Variants in GNG7 observed in about 807,000 individuals in gnomAD.
GNG7 encodes the protein G protein subunit gamma 7, also known as guanine nucleotide-binding protein G(I)/G(S)/G(O) subunit gamma-7.
Under a neutral mutation model 4.0 loss-of-function variants are expected in GNG7, and 1 was observed. The ratio of observed to expected loss-of-function variants is 0.25; its 90% CI spans 0.09 to 1.18. The LOEUF is 1.18. Ranked by LOEUF, GNG7 falls within the 50% of genes most tolerant of loss-of-function variation. The pLI, the probability that GNG7 is intolerant of heterozygous loss-of-function variation, is 0.50. For missense variants in GNG7, 86 were observed against 91.9 expected (o/e 0.94, Z 0.26); for synonymous variants, 34 against 36.9 (o/e 0.92, Z 0.29).
intron 2 of GNG7, among the ~76,000 whole-genome samples, chr19:2,587,878 G>A (rs550212846): frequency 9.8e-4 from 144 of 146,676 alleles, no homozygotes; most frequent in Non-Finnish European, 1.2e-3. Flanking sequence ...AAGGAAGGAA[G>A]GAAGGAAGGA....
At chr19:2,676,490 G>A (rs907841839) in intron 1 of GNG7, among the ~76,000 whole-genome samples, 47 of 152,240 alleles carry the variant, frequency 3.1e-4, no homozygotes, top group African/African-American at 1.1e-3. Context: ...TCAGCTCACT[G>A]CAACCTCCAC....
intron 1 of GNG7, chr19:2,700,644 C>G (rs1480395306): frequency 6.6e-6 from 1 of 152,206 alleles, no homozygotes; most frequent in Non-Finnish European, 1.5e-5. Context: ...TCACTATATG[C>G]TAGGAAATAG....
In GNG7 at chr19:2,626,895, C is replaced by G. The variant is rs1022787336; in HGVS notation, c.-78+19329G>C. On this transcript the variant is annotated intron_variant, in intron 2 of 4. Coordinates refer to ENST00000382159, the MANE Select transcript of GNG7 (RefSeq NM_052847.3). This position sits in a 1 kb window ranked among gnomAD's most constrained non-coding sequence, Gnocchi z 5.0. Reference sequence around the variant, plus strand: ...GGACGGCCTCACCCCAGAGAACAGTCCAGTGTCAGTGTCCACAGTGCCCAG... The same window carrying G: ...GGACGGCCTCACCCCAGAGAACAGTGCAGTGTCAGTGTCCACAGTGCCCAG... 6.6e-6 allele frequency among the ~76,000 whole-genome samples: 1 copy of G among 151,646 alleles called. No homozygotes were observed. The highest frequency in any genetic ancestry group is 2.4e-5 in the African/African-American group (1 of 41,218).
At chr19:2,615,860 G>A (rs898603140) in intron 2 of GNG7, among the ~76,000 whole-genome samples, 2 of 152,178 alleles carry the variant, frequency 1.3e-5, no homozygotes, top group Admixed American at 1.3e-4. Context: ...GAGGAGGCAG[G>A]AGGGTTCCCT....
intron 2 of GNG7, among the ~76,000 whole-genome samples, chr19:2,581,424 G>T (rs1215618879): frequency 6.6e-6 from 1 of 152,072 alleles, no homozygotes; most frequent in Non-Finnish European, 1.5e-5. Context: ...GGTCAGCAGA[G>T]ATACTGAGTT....
chr19:2,675,159 G>A (rs1286647494), intron 1 of GNG7, among the ~76,000 whole-genome samples: 1 of 152,148 alleles, frequency 6.6e-6, no homozygotes. Context: ...ACAGTTGGAC[G>A]TGTTCATAAA....
intron 3 of GNG7, among the ~76,000 whole-genome samples, chr19:2,553,866 A>AAT (rs1480029142): frequency 1.1e-5 from 1 of 88,318 alleles, no homozygotes; most frequent in East Asian, 3.5e-4. Flanking sequence ...TATTATATGT[A>AAT]ACATTGCATA....
At chr19:2,528,287 A>G in intron 3 of GNG7, among the ~76,000 whole-genome samples, 1 of 150,086 alleles carries the variant, frequency 6.7e-6, no homozygotes. Context: ...AAAAAAAAAA[A>G]AAAGGCCTGG....
rs146399292 is a variant in GNG7 at position 2,633,571 on chromosome 19, C to T, written c.-78+12653G>A. Reference sequence around the variant, plus strand: ...CACTGGGCTGGGGTACTCAGATCCCCGGGCTCGGTGGTCGTGGATGTGAGC... The same window carrying T: ...CACTGGGCTGGGGTACTCAGATCCCTGGGCTCGGTGGTCGTGGATGTGAGC... On this transcript the variant is annotated intron_variant, in intron 2 of 4. Coordinates refer to ENST00000382159, the MANE Select transcript of GNG7 (RefSeq NM_052847.3). This position sits in a 1 kb window ranked among gnomAD's most constrained non-coding sequence, Gnocchi z 5.9. Among the ~76,000 whole-genome samples the T allele has an allele frequency of 7.2e-5, 11 of 151,952 alleles. No individual in the cohort carries two copies. The East Asian group carries it at 1.7e-3, about 24-fold the overall frequency.
intron 1 of GNG7, among the ~76,000 whole-genome samples, chr19:2,675,455 G>A (rs137982200): frequency 7.6e-4 from 115 of 152,278 alleles, no homozygotes; most frequent in African/African-American, 2.7e-3. Context: ...TGCCGAGCAG[G>A]AGAGGTCGCT....
rs540584481 is a variant in GNG7 at position 2,511,301 on chromosome 19, G to A, written c.*3721C>T. ...CACAATATTAAAACACTGCGAGAAA[G>A]TGGGTGCGGCACACCTGGAATTTTA... On this transcript the variant is annotated 3_prime_UTR_variant, in exon 5 of 5. Coordinates refer to ENST00000382159, the MANE Select transcript of GNG7 (RefSeq NM_052847.3). The surrounding 1 kb of genome is among the most constrained non-coding windows in gnomAD (Gnocchi z 6.3). The A allele has an allele frequency of 1.3e-5, 2 of 152,374 alleles. No homozygotes were observed. Among genetic ancestry groups the A allele is most frequent in the East Asian group, 3.9e-4 (2 of 5,186 alleles). 9.4% of individuals were successfully genotyped at this position (152,374 alleles called of 1,614,324 possible).
intron 1 of GNG7, among the ~76,000 whole-genome samples, chr19:2,662,363 A>C (rs894490635): frequency 6.6e-6 from 1 of 151,846 alleles, no homozygotes; most frequent in Non-Finnish European, 1.5e-5. Flanking sequence ...GATTCAGTTC[A>C]ATTCAATTCA....
chr19:2,596,371 A>T (rs1028750584), intron 2 of GNG7, among the ~76,000 whole-genome samples: 1 of 9,056 alleles, frequency 1.1e-4, no homozygotes, highest in Admixed American at 1.5e-3. Flanking sequence ...AAATTAAAAT[A>T]AAAAATAGTA....
At chr19:2,572,472 G>A (rs189409801) in intron 2 of GNG7, among the ~76,000 whole-genome samples, 7 of 150,282 alleles carry the variant, frequency 4.7e-5, no homozygotes, top group East Asian at 4.0e-4. Context: ...TCGCTCTGTC[G>A]CCAGGCTGGA....
intron 2 of GNG7, among the ~76,000 whole-genome samples, chr19:2,565,016 C>T (rs1979857756): frequency 6.6e-6 from 1 of 151,836 alleles, no homozygotes; most frequent in African/African-American, 2.4e-5. Flanking sequence ...CACAGTGAGA[C>T]CCTGTCTTGA....
chr19:2,523,355 C>T (rs767644443), intron 3 of GNG7, among the ~76,000 whole-genome samples: 1 of 151,674 alleles, frequency 6.6e-6, no homozygotes, highest in Non-Finnish European at 1.5e-5. Context: ...AGTTTGAGGC[C>T]AGCCTAGGCA....
chr19:2,540,708 G>A (rs148147832), intron 3 of GNG7, among the ~76,000 whole-genome samples: 2,020 of 152,300 alleles, frequency 0.013, 22 homozygotes, highest in South Asian at 0.03. Flanking sequence ...GAGGCCCGCC[G>A]GGCAGCGGGA....
chr19:2,572,651 T>C (rs1255816246), intron 2 of GNG7, among the ~76,000 whole-genome samples: 4 of 148,576 alleles, frequency 2.7e-5, no homozygotes, highest in Non-Finnish European at 4.5e-5. Context: ...CGGACTACAG[T>C]GGCACCTCCT....
At chr19:2,654,240 T>A (rs1982903822) in intron 1 of GNG7, among the ~76,000 whole-genome samples, 1 of 151,804 alleles carries the variant, frequency 6.6e-6, no homozygotes, top group Non-Finnish European at 1.5e-5. Context: ...ACGCATACCC[T>A]CCCCTCCCGC....
Sources: allele counts gnomAD v4.1 joint callset (sites outside exome capture counted in the v4.1 genomes callset), GRCh38; gene constraint gnomAD v4.1.1; non-coding constraint Gnocchi (gnomAD v3.1); transcripts MANE v1.5; gene names NCBI Gene and HGNC (gene_info 2026-07-23, HGNC 2026-07-21).